TRABD: variants seen among roughly 807,000 people sequenced by gnomAD.
TRABD encodes TraB domain containing.
In TRABD, 23 loss-of-function variants were observed where a neutral mutation model predicts 39.6. The ratio of observed to expected loss-of-function variants is 0.58; its 90% CI spans 0.42 to 0.82. TRABD has a LOEUF of 0.82. Among genes scored for constraint, TRABD ranks in the 40% least tolerant of loss-of-function variants. TRABD has a pLI of 0.00. For missense variants in TRABD, 487 were observed against 544.9 expected, an observed-to-expected ratio of 0.89 and a Z score of 1.06; for synonymous variants, 243 against 232.1, an observed-to-expected ratio of 1.05 and a Z score of -0.43.
rs6712 is a variant in TRABD, at chr22:50,199,493, G to C, written c.*974G>C. 0.098 allele frequency: 19,826 copies of C among 202,468 alleles called. 1,217 individuals carry two copies. The highest frequency in any genetic ancestry group is 0.21 in the South Asian group (1,337 of 6,346). 12.5% of individuals were successfully genotyped at this position (202,468 alleles called of 1,614,324 possible). A position where few individuals can be genotyped will look rare whatever the true frequency, so the allele number is the denominator to read the frequency against. On this transcript the variant is annotated 3_prime_UTR_variant, in exon 10 of 10. Transcript: ENST00000380909. Reference sequence around the variant, plus strand: ...TCTCTGGTTGTGTCTGTGCCGACTCGGTGTTGAATCAAATCAGGTGTGCGT... The same window carrying C: ...TCTCTGGTTGTGTCTGTGCCGACTCCGTGTTGAATCAAATCAGGTGTGCGT...
At chr22:50,194,243 C>T (rs1265512743) in intron 3 of TRABD, 97 bp from the exon 4 acceptor site, 48 of 1,459,952 alleles carry the variant, frequency 3.3e-5, no homozygotes, top group Non-Finnish European at 4.2e-5. Flanking sequence ...GTTCAGTTCT[C>T]AGAACCCAGG....
At chr22:50,197,784 T>C in intron 7 of TRABD, 39 bp from the exon 8 acceptor site, 1 of 963,212 alleles carries the variant, frequency 1.0e-6, no homozygotes, top group Non-Finnish European at 1.6e-6. Flanking sequence ...CCCAGCCCGT[T>C]GCCCATCCCT....
chr22:50,197,920 T>G lies in TRABD; in HGVS notation c.769T>G (p.Ser257Ala), dbSNP rs1602470193. 1.2e-6 allele frequency: 2 copies of G among 1,612,956 alleles called. No homozygotes were observed. The highest frequency in any genetic ancestry group is 1.7e-6 in the Non-Finnish European group (2 of 1,179,920). ...EFPDLHRTIVSERDVYLTYML... is the reference protein window; with the variant it reads ...EFPDLHRTIVAERDVYLTYML... ...CCCAGACCTGCACCGCACCATCGTC[T>G]CGGAGCGCGACGTCTACCTAACCTA... The change falls in exon 8 of 10, where the codon TCG becomes GCG. Residue 257 changes from serine to alanine, a missense_variant. Around this residue, in one of 3 missense-constraint regions of TRABD, gnomAD observed 358 missense variants for 414.7 expected, o/e 0.86. Transcript: ENST00000380909.
chr22:50,185,958 G>T lies in TRABD; in HGVS notation c.-53G>T, dbSNP rs1296965951. ...GCGCCGCATGGAGGCCGGCTGAGGAGCGCCGCTGCCTCGCCTCGGTACGCC... is the reference window on the plus strand; with the variant it reads ...GCGCCGCATGGAGGCCGGCTGAGGATCGCCGCTGCCTCGCCTCGGTACGCC... On this transcript the variant is annotated 5_prime_UTR_variant, in exon 1 of 10. Transcript: ENST00000380909. 6.7e-6 allele frequency: 1 copy of T among 148,710 alleles called. No homozygotes were observed. The highest frequency in any genetic ancestry group is 2.4e-5 in the African/African-American group (1 of 41,004). The allele number at this position is 148,710 out of a possible 1,614,324, so 9.2% of individuals were successfully genotyped here. A position where few individuals can be genotyped will look rare whatever the true frequency, so the allele number is the denominator to read the frequency against.
rs370733804 is a variant in TRABD at position 50,198,014 on chromosome 22, C to T, written c.844+19C>T. The T allele has an allele frequency of 1.7e-5, 28 of 1,610,554 alleles. No individual in the cohort carries two copies. The highest frequency in any genetic ancestry group is 1.7e-4 in the African/African-American group (13 of 74,816). The stretch of plus-strand genomic sequence containing the variant: ...TCTGACGGTGACGGCCGCCCGCAGG[C>T]GTGGGACCCCCTGTGAGGCTGAGGC... On this transcript the variant is annotated intron_variant, in intron 8 of 9. Transcript: ENST00000380909. The surrounding 1 kb of genome is among the most constrained non-coding windows in gnomAD (Gnocchi z 7.9).
In TRABD at chr22:50,198,501, C is replaced by G; in HGVS notation, c.1113C>G (p.Thr371=). 1 of 1,570,454 alleles carries G rather than the reference C, an allele frequency of 6.4e-7. No individual in the cohort carries two copies. Among genetic ancestry groups the G allele is most frequent in the Non-Finnish European group, 8.6e-7 (1 of 1,165,430 alleles). Residue 371 remains threonine (T), a synonymous_variant, in exon 10 of 10, where the codon ACC becomes ACG. Coordinates refer to ENST00000380909, the MANE Select transcript of TRABD (RefSeq NM_001320485.2). This position sits in a 1 kb window ranked among gnomAD's most constrained non-coding sequence, Gnocchi z 7.9. ...CGCAGTACTGCCTGCAGAGGGTGAC[C>G]GAGGCCCGGCACAAGTAGGAGACTG... is the stretch of plus-strand genomic sequence containing the variant. ...PAAQYCLQRV[T]EARHK is the part of the protein sequence containing the mutation.
Position 50,197,872 on chromosome 22 carries a change from A to G in TRABD, c.721A>G (p.Met241Val), listed in dbSNP as rs1195484356. The change falls in exon 8 of 10, where the codon ATG (methionine) becomes GTG (valine). Residue 241 changes from methionine to valine, a missense_variant. Coordinates refer to ENST00000380909, the MANE Select transcript of TRABD (RefSeq NM_001320485.2). ...GCAGAAGGACCTACTGGAGCAGATG[A>G]TGGCCGAGATGATTGGCGAGTTCCC... ...CKQKDLLEQM[M>V]AEMIGEFPDL... 1.2e-6 allele frequency: 2 copies of G among 1,607,454 alleles called. No individual in the cohort carries two copies. Among genetic ancestry groups the G allele is most frequent in the East Asian group, 2.3e-5 (1 of 44,390 alleles).
Position 50,198,596 on chromosome 22 carries a change from G to C in TRABD, c.*77G>C. On this transcript the variant is annotated 3_prime_UTR_variant, in exon 10 of 10. Coordinates refer to ENST00000380909, the MANE Select transcript of TRABD (RefSeq NM_001320485.2). The surrounding 1 kb of genome is among the most constrained non-coding windows in gnomAD (Gnocchi z 7.9). Reference sequence around the variant, plus strand: ...ACTTCTGGGTGCCAGGTGCATCCTAGCCCGCCCGAGGCCCCTGCCACCCCC... The same window carrying C: ...ACTTCTGGGTGCCAGGTGCATCCTACCCCGCCCGAGGCCCCTGCCACCCCC... 1 of 1,395,154 alleles carries C rather than the reference G, an allele frequency of 7.2e-7. No individual in the cohort carries two copies. The highest frequency in any genetic ancestry group is 1.5e-5 in the South Asian group (1 of 66,358). The allele number at this position is 1,395,154 out of a possible 1,614,324, so 86.4% of individuals were successfully genotyped here. A position where few individuals can be genotyped will look rare whatever the true frequency, so the allele number is the denominator to read the frequency against.
rs1294490727 is a variant in TRABD, at chr22:50,197,836, GAACGCTGC to G, written c.688_695del (p.Arg230AlafsTer49). 6.2e-7 allele frequency: 1 copy of G among 1,610,534 alleles called. No homozygotes were observed. Among genetic ancestry groups the G allele is most frequent in the Non-Finnish European group, 8.5e-7 (1 of 1,179,490 alleles). Reference sequence around the variant, plus strand: ...CCCTCTCCACAGCAAGGATGACGTGGAACGCTGCAAGCAGAAGGACCTACTGGAGCAGA... The same window carrying G: ...CCCTCTCCACAGCAAGGATGACGTGGAAGCAGAAGGACCTACTGGAGCAGA... On this transcript the variant is annotated frameshift_variant, in exon 8 of 10. Coordinates refer to ENST00000380909, the MANE Select transcript of TRABD (RefSeq NM_001320485.2). LOFTEE classifies it high-confidence loss of function.
Position 50,199,085 on chromosome 22 carries a change from A to G in TRABD, c.*566A>G. 1.4e-6 allele frequency: 1 copy of G among 715,872 alleles called. No individual in the cohort carries two copies. Among genetic ancestry groups the G allele is most frequent in the Non-Finnish European group, 2.6e-6 (1 of 384,100 alleles). The allele number at this position is 715,872 out of a possible 1,614,324, so 44.3% of individuals were successfully genotyped here. A position where few individuals can be genotyped will look rare whatever the true frequency, so the allele number is the denominator to read the frequency against. Reference sequence around the variant, plus strand: ...TGTTTTTGGCTTTTTTAATGTCTTAAAATCTTTTACTCAGGTAATTTTAAT... The same window carrying G: ...TGTTTTTGGCTTTTTTAATGTCTTAGAATCTTTTACTCAGGTAATTTTAAT... On this transcript the variant is annotated 3_prime_UTR_variant, in exon 10 of 10. Coordinates refer to ENST00000380909, the MANE Select transcript of TRABD (RefSeq NM_001320485.2).
chr22:50,189,170 C>T lies in TRABD; in HGVS notation c.-35+3194C>T, dbSNP rs372310571. ...GTGCTGCGGCAGAGAAGCTCGAGGC[C>T]GAGGCTGACCGCTAAAGCAGCATCT... is the stretch of plus-strand genomic sequence containing the variant. On this transcript the variant is annotated intron_variant, in intron 1 of 9. Coordinates refer to ENST00000380909, the MANE Select transcript of TRABD (RefSeq NM_001320485.2). 3.3e-4 allele frequency among the ~76,000 whole-genome samples: 50 copies of T among 152,284 alleles called. 1 individual carries two copies. Among genetic ancestry groups the T allele is most frequent in the East Asian group, 2.1e-3 (11 of 5,168 alleles).
At chr22:50,192,902 T>G in intron 1 of TRABD, 125 bp from the exon 2 acceptor site, 1 of 797,024 alleles carries the variant, frequency 1.3e-6, no homozygotes, top group Non-Finnish European at 1.9e-6. Flanking sequence ...CATTTGGGGA[T>G]ATGGGGGAAG....
In TRABD at chr22:50,197,971, C is replaced by T. The variant is rs1291463415; in HGVS notation, c.820C>T (p.Leu274Phe). ...TYMLRQAARRLELPRASDAEP... is the reference protein window; with the variant it reads ...TYMLRQAARRFELPRASDAEP... ...CATGCTGCGCCAGGCCGCGCGGCGC[C>T]TCGAGCTGCCTCGGGCCTCTGACGG... The change falls in exon 8 of 10, where the codon CTC becomes TTC. Residue 274 changes from leucine (L) to phenylalanine (F), a missense_variant. Physicochemically the swap from Leu to Phe is conservative, Grantham distance 22 (BLOSUM62 0). Around this residue, in one of 3 missense-constraint regions of TRABD, gnomAD observed 358 missense variants for 414.7 expected, o/e 0.86. Coordinates refer to ENST00000380909, the MANE Select transcript of TRABD (RefSeq NM_001320485.2). 1 of 1,612,426 alleles carries T rather than the reference C, an allele frequency of 6.2e-7. No homozygotes were observed. Among genetic ancestry groups the T allele is most frequent in the Admixed American group, 1.7e-5 (1 of 60,004 alleles).
chr22:50,186,902 AGC>A (rs2063774151), intron 1 of TRABD, among the ~76,000 whole-genome samples: 1 of 152,256 alleles, frequency 6.6e-6, no homozygotes, highest in South Asian at 2.1e-4. Context: ...TCTGGGCACT[AGC>A]GTCCCAGAAA....
At chr22:50,197,763 A>AGGCCCCCCCCCCCCCCCCCCGGG in intron 7 of TRABD, 60 bp from the exon 8 acceptor site, 3 of 1,439,778 alleles carry the variant, frequency 2.1e-6, no homozygotes, top group Non-Finnish European at 2.9e-6. Flanking sequence ...CCACAGTGCC[A>AGGCCCCCCCCCCCCCCCCCCGGG]GCCCCACCCC....
At chr22:50,197,765 C>CCCCCCCCCCCCCCCCCCTTG in intron 7 of TRABD, 58 bp from the exon 8 acceptor site, 4 of 754,052 alleles carry the variant, frequency 5.3e-6, no homozygotes, top group South Asian at 1.3e-5. Context: ...ACAGTGCCAG[C>CCCCCCCCCCCCCCCCCCTTG]CCCACCCCCC....
In TRABD at chr22:50,198,462, G is replaced by GT. The variant is rs776233250; in HGVS notation, c.1075dup (p.Ser359PhefsTer45). ...GCCGCCGCACCGCGAGCCTGGTCCT[G>GT]TCGCTGCCCGCCGCGCAGTACTGCC... On this transcript the variant is annotated frameshift_variant, in exon 10 of 10. Coordinates refer to ENST00000380909, the MANE Select transcript of TRABD (RefSeq NM_001320485.2). LOFTEE classifies it high-confidence loss of function. This position sits in a 1 kb window ranked among gnomAD's most constrained non-coding sequence, Gnocchi z 7.9. 2 of 1,595,354 alleles carry GT rather than the reference G, an allele frequency of 1.3e-6. No homozygotes were observed. The highest frequency in any genetic ancestry group is 1.7e-6 in the Non-Finnish European group (2 of 1,176,806).
At chr22:50,197,764 G>GCCCCCCCCCCCCCCCCCCTTTCCCCCC in intron 7 of TRABD, 59 bp from the exon 8 acceptor site, 1 of 1,284,796 alleles carries the variant, frequency 7.8e-7, no homozygotes, top group Non-Finnish European at 1.1e-6. Flanking sequence ...CACAGTGCCA[G>GCCCCCCCCCCCCCCCCCCTTTCCCCCC]CCCCACCCCC....
At chr22:50,197,065 G>A (rs973054915) in intron 5 of TRABD, 176 bp from the exon 6 acceptor site, 1 of 621,104 alleles carries the variant, frequency 1.6e-6, no homozygotes, top group East Asian at 2.8e-5. Flanking sequence ...CCCTGCTCTG[G>A]TCTGACCCTC....
Sources: allele counts gnomAD v4.1 joint callset (sites outside exome capture counted in the v4.1 genomes callset), GRCh38; gene constraint gnomAD v4.1.1; regional missense constraint gnomAD v4.1.1; non-coding constraint Gnocchi (gnomAD v3.1); transcripts MANE v1.5; gene names NCBI Gene and HGNC (gene_info 2026-07-23, HGNC 2026-07-21).